The following RAB3GAP1 variants were observed in gnomAD, a reference collection of about 807,000 sequenced individuals.
RAB3GAP1 encodes RAB3 GTPase activating protein catalytic subunit 1, also known as rab3 GTPase-activating protein catalytic subunit.
In RAB3GAP1, 86 loss-of-function variants were observed where a neutral mutation model predicts 130.7. The observed-to-expected ratio is 0.66, with a 90% CI of 0.55 to 0.79. The LOEUF (loss-of-function observed/expected upper bound fraction) is 0.79. RAB3GAP1 is among the 30% of genes least tolerant of loss of function. The probability of loss-of-function intolerance (pLI) is 0.00; values close to 1 mark genes in which losing one functional copy is unlikely to be tolerated. For synonymous variants in RAB3GAP1, 367 were observed against 401.7 expected (o/e 0.91, Z 1.03); for missense variants, 1,029 against 1,169.4 (o/e 0.88, Z 1.75).
At chr2:135,131,106 A>C (rs1057099976) in intron 13 of RAB3GAP1, among the ~76,000 whole-genome samples, 1 of 152,260 alleles carries the variant, frequency 6.6e-6, no homozygotes, top group African/African-American at 2.4e-5. Context: ...GGTGCTTCCC[A>C]GACCATGACC....
intron 6 of RAB3GAP1, among the ~76,000 whole-genome samples, chr2:135,114,762 C>T (rs191451895): frequency 2.6e-5 from 4 of 152,312 alleles, no homozygotes; most frequent in East Asian, 1.9e-4. Context: ...TGTGTTAACA[C>T]GTATTCTCTC....
At chr2:135,082,871 C>T (rs1424376794) in intron 3 of RAB3GAP1, among the ~76,000 whole-genome samples, 1 of 152,112 alleles carries the variant, frequency 6.6e-6, no homozygotes, top group Non-Finnish European at 1.5e-5. Context: ...CACCATTCCC[C>T]TATCCCTGTT....
At chr2:135,120,082 T>G (rs1013697086) in intron 7 of RAB3GAP1, among the ~76,000 whole-genome samples, 1 of 152,196 alleles carries the variant, frequency 6.6e-6, no homozygotes, top group Admixed American at 6.5e-5. Context: ...GAGTTTATTT[T>G]CATTTAAAAG....
chr2:135,077,989 A>G (rs1359834377), intron 3 of RAB3GAP1, among the ~76,000 whole-genome samples: 1 of 152,142 alleles, frequency 6.6e-6, no homozygotes, highest in African/African-American at 2.4e-5. Flanking sequence ...TCTCCCATTC[A>G]TGGGTTGCCT....
Position 135,091,070 on chromosome 2 carries a change from A to G in RAB3GAP1, c.223A>G (p.Thr75Ala), listed in dbSNP as rs765814163. ...CTTTGCTGACTTCAAGTTCTCAGTCACTCATCATTATCTTGTACAAGAGTC... is the reference window on the plus strand; with the variant it reads ...CTTTGCTGACTTCAAGTTCTCAGTCGCTCATCATTATCTTGTACAAGAGTC... ...ISFADFKFSV[T>A]HHYLVQESTD... Residue 75 changes from threonine (T) to alanine (A), a missense_variant, in exon 4 of 24, where the codon ACT becomes GCT. By Grantham distance (58) the Thr-to-Ala change is moderately conservative. Coordinates refer to ENST00000264158, the MANE Select transcript of RAB3GAP1 (RefSeq NM_012233.3). 1 of 1,606,332 alleles carries G rather than the reference A, an allele frequency of 6.2e-7. No individual in the cohort carries two copies.
intron 13 of RAB3GAP1, among the ~76,000 whole-genome samples, chr2:135,132,011 A>AAG (rs1280796133): frequency 6.6e-6 from 1 of 152,244 alleles, no homozygotes; most frequent in African/African-American, 2.4e-5. Flanking sequence ...TGTACATCGT[A>AAG]AGATGTAGGT....
In RAB3GAP1 at chr2:135,113,133, G is replaced by T. The variant is rs1488184501; in HGVS notation, c.363-18G>T. On this transcript the variant is annotated intron_variant, in intron 5 of 23. Transcript: ENST00000264158. ...TCTGAGGTTTCCCCTGTTTAATGCAGTTAATTCTTTTTTTAAGGTATGGGC... is the reference window on the plus strand; with the variant it reads ...TCTGAGGTTTCCCCTGTTTAATGCATTTAATTCTTTTTTTAAGGTATGGGC... The T allele has an allele frequency of 1.9e-6, 3 of 1,614,114 alleles. No individual in the cohort carries two copies. Among genetic ancestry groups the T allele is most frequent in the African/African-American group, 1.3e-5 (1 of 75,036 alleles).
At chr2:135,150,639 A>C (rs1054251185) in intron 18 of RAB3GAP1, 133 bp downstream of exon 18, 2 of 1,131,900 alleles carry the variant, frequency 1.8e-6, no homozygotes, top group Non-Finnish European at 2.6e-6. Context: ...TAGTAGTTCA[A>C]CACTCTGCCA....
At chr2:135,084,960 T>C (rs1214635051) in intron 3 of RAB3GAP1, among the ~76,000 whole-genome samples, 3 of 152,216 alleles carry the variant, frequency 2.0e-5, no homozygotes, top group Non-Finnish European at 4.4e-5. Context: ...TTTTGAAGAA[T>C]GAGTTAAAAG....
At chr2:135,147,697 C>T (rs1396845720) in intron 17 of RAB3GAP1, among the ~76,000 whole-genome samples, 1 of 148,696 alleles carries the variant, frequency 6.7e-6, no homozygotes, top group Admixed American at 6.8e-5. Flanking sequence ...ACTGCAGCCT[C>T]AATCTCCCAG....
intron 2 of RAB3GAP1, among the ~76,000 whole-genome samples, chr2:135,056,467 T>G (rs62168951): frequency 0.042 from 6,411 of 152,312 alleles, 158 homozygotes; most frequent in African/African-American, 0.056. Flanking sequence ...GCTCCCAAAG[T>G]GCTGGGATTA....
intron 5 of RAB3GAP1, among the ~76,000 whole-genome samples, chr2:135,112,824 TCTCTCTCTCTCACACACACA>T (rs1328739831): frequency 5.1e-5 from 7 of 136,946 alleles, no homozygotes; most frequent in African/African-American, 1.9e-4. Context: ...AGTCTCTCTC[TCTCTCTCTCTCACACACACA>T]CACACACACA....
intron 21 of RAB3GAP1, 33 bp downstream of exon 21, chr2:135,162,884 G>C (rs777304986): frequency 6.3e-7 from 1 of 1,586,828 alleles, no homozygotes; most frequent in African/African-American, 1.3e-5. Context: ...ATCTTGCCAA[G>C]TGTTCTCCTC....
At chr2:135,166,876 C>T (rs934750444) in intron 23 of RAB3GAP1, among the ~76,000 whole-genome samples, 1 of 152,088 alleles carries the variant, frequency 6.6e-6, no homozygotes, top group Non-Finnish European at 1.5e-5. Flanking sequence ...AGCTAACCCC[C>T]TTAATGGCTA....
intron 3 of RAB3GAP1, among the ~76,000 whole-genome samples, chr2:135,086,116 A>C (rs527545108): frequency 1.4e-3 from 218 of 152,310 alleles, no homozygotes; most frequent in African/African-American, 5.0e-3. Flanking sequence ...ATACCACAGT[A>C]CACTATCCTT....
intron 3 of RAB3GAP1, among the ~76,000 whole-genome samples, chr2:135,068,226 A>C (rs1689375531): frequency 1.3e-5 from 2 of 152,136 alleles, no homozygotes; most frequent in Non-Finnish European, 1.5e-5. Context: ...AAAAAGCTCA[A>C]GTTTAATTCT....
chr2:135,140,945 CTT>C (rs1691820749), intron 17 of RAB3GAP1, among the ~76,000 whole-genome samples: 1 of 152,138 alleles, frequency 6.6e-6, no homozygotes, highest in Non-Finnish European at 1.5e-5. Context: ...AATATTAACT[CTT>C]TTCTGCACAC....
intron 6 of RAB3GAP1, among the ~76,000 whole-genome samples, chr2:135,113,731 G>A (rs1240155899): frequency 6.6e-6 from 1 of 151,642 alleles, no homozygotes; most frequent in African/African-American, 2.4e-5. Flanking sequence ...ACTCATTTTT[G>A]CTCAAATAAA....
intron 19 of RAB3GAP1, among the ~76,000 whole-genome samples, chr2:135,158,209 C>A (rs2104990579): frequency 6.6e-6 from 1 of 152,264 alleles, no homozygotes; most frequent in South Asian, 2.1e-4. Context: ...CACTGACACC[C>A]TCATAGCAGT....
Sources: gnomAD v4.1 joint callset for allele counts (sites outside exome capture counted in the v4.1 genomes callset) on GRCh38, gnomAD v4.1.1 for gene constraint, MANE v1.5 for transcripts, NCBI Gene and HGNC (gene_info 2026-07-23, HGNC 2026-07-21) for gene names.